Variants in EVC observed in about 807,000 individuals in gnomAD.
EVC encodes evC complex member EVC.
Under a neutral mutation model 118.9 loss-of-function variants are expected in EVC, and 116 were observed. The observed-to-expected ratio is 0.98, with a 90% CI of 0.84 to 1.14. The LOEUF is 1.14. Among genes scored for constraint, EVC ranks in the 50% most tolerant of loss-of-function variants. The pLI, the probability that EVC is intolerant of heterozygous loss-of-function variation, is 0.00. For missense variants in EVC, 1,401 were observed against 1,246.4 expected, an observed-to-expected ratio of 1.12 and a Z score of -1.87; for synonymous variants, 619 against 534.7, an observed-to-expected ratio of 1.16 and a Z score of -2.18.
chr4:5,731,268 G>A lies in EVC; in HGVS notation c.385-157G>A, dbSNP rs1726766271. On this transcript the variant is annotated intron_variant, in intron 3 of 20. Transcript: ENST00000264956. The surrounding 1 kb of genome is among the most constrained non-coding windows in gnomAD (Gnocchi z 5.6). Reference sequence around the variant, plus strand: ...GGGCTGTCGATGTGGCAGAACCTGGGACGGAAACTCTGTGGTGTCTGCTGG... The same window carrying A: ...GGGCTGTCGATGTGGCAGAACCTGGAACGGAAACTCTGTGGTGTCTGCTGG... Among the ~76,000 whole-genome samples, 1 of 151,982 alleles carries A rather than the reference G, an allele frequency of 6.6e-6. No individual in the cohort carries two copies. Among genetic ancestry groups the A allele is most frequent in the Non-Finnish European group, 1.5e-5 (1 of 68,000 alleles).
chr4:5,822,911 C>T, the EVC span, among the ~76,000 whole-genome samples: 1 of 152,184 alleles, frequency 6.6e-6, no homozygotes, highest in African/African-American at 2.4e-5. Context: ...GCACAAGCAC[C>T]ATCCTATAAA....
chr4:5,729,760 G>A (rs1200061888), intron 3 of EVC, among the ~76,000 whole-genome samples: 5 of 152,190 alleles, frequency 3.3e-5, no homozygotes, highest in Admixed American at 3.3e-4. Flanking sequence ...TATGTGGACA[G>A]GGCCAGTGTT....
intron 12 of EVC, among the ~76,000 whole-genome samples, chr4:5,791,487 C>G (rs1349921473): frequency 6.6e-6 from 1 of 152,024 alleles, no homozygotes; most frequent in African/African-American, 2.4e-5. Context: ...CAGCGCAGAA[C>G]CAAAATAATG....
chr4:5,821,943 C>CCTTAGCAGAAGTCGTAACCCCGCCCCA, the EVC span: 65 of 1,141,524 alleles, frequency 5.7e-5, no homozygotes, highest in Middle Eastern at 2.0e-4. The surrounding 1 kb of genome is among the most constrained non-coding windows in gnomAD (Gnocchi z 4.4). Flanking sequence ...ATGCACTCCA[C>CCTTAGCAGAAGTCGTAACCCCGCCCCA]TGGACCCACC....
chr4:5,772,924 G>T (rs1242578359), intron 11 of EVC, among the ~76,000 whole-genome samples: 1 of 152,068 alleles, frequency 6.6e-6, no homozygotes, highest in Non-Finnish European at 1.5e-5. Context: ...TTCTTTAGGG[G>T]AGCCCTCCTC....
At chr4:5,795,303 A>AT (rs1170846501) in intron 13 of EVC, among the ~76,000 whole-genome samples, 4 of 152,214 alleles carry the variant, frequency 2.6e-5, no homozygotes, top group Non-Finnish European at 5.9e-5. Context: ...AATTGTGCAT[A>AT]CCATCAAGAA....
At chr4:5,752,477 G>C (rs1033899955) in intron 8 of EVC, among the ~76,000 whole-genome samples, 10 of 152,142 alleles carry the variant, frequency 6.6e-5, no homozygotes, top group African/African-American at 2.2e-4. Context: ...GGGGGCCACA[G>C]GGCCAGATTG....
chr4:5,736,117 A>G (rs1223228319), intron 5 of EVC, among the ~76,000 whole-genome samples: 1 of 152,138 alleles, frequency 6.6e-6, no homozygotes, highest in Non-Finnish European at 1.5e-5. Context: ...CTGGAGTGTA[A>G]CCTCTATAAA....
rs150471602 is a variant in EVC at position 5,785,794 on chromosome 4, C to G, written c.1776+2030C>G. Among the ~76,000 whole-genome samples, 523 of 152,330 alleles carry G rather than the reference C, an allele frequency of 3.4e-3. 3 individuals are homozygous for G. The highest frequency in any genetic ancestry group is 0.012 in the African/African-American group (499 of 41,572). ...AATAATGCAGCTTTGGAAATGATTA[C>G]AGTGTTGCCTTTGCCCTGTATTCTT... On this transcript the variant is annotated intron_variant, in intron 12 of 20. Coordinates refer to ENST00000264956, the MANE Select transcript of EVC (RefSeq NM_153717.3).
chr4:5,763,665 T>A (rs1427874374), intron 11 of EVC, among the ~76,000 whole-genome samples: 1 of 113,966 alleles, frequency 8.8e-6, no homozygotes, highest in South Asian at 2.6e-4. Flanking sequence ...TTGAAGCAAT[T>A]GTGAATGGGA....
At chr4:5,823,439 G>A in the EVC span, among the ~76,000 whole-genome samples, 21 of 152,252 alleles carry the variant, frequency 1.4e-4, no homozygotes, top group Non-Finnish European at 2.8e-4. Flanking sequence ...GAAAATACCT[G>A]CTGGAAAAAA....
At chr4:5,776,533 C>T (rs930347480) in intron 11 of EVC, among the ~76,000 whole-genome samples, 2 of 152,180 alleles carry the variant, frequency 1.3e-5, no homozygotes, top group South Asian at 2.1e-4. Flanking sequence ...TCAGTTTCCT[C>T]ATCTGTAAAT....
Position 5,742,492 on chromosome 4 carries a change from C to G in EVC, c.801+678C>G, listed in dbSNP as rs1728750340. Reference sequence around the variant, plus strand: ...CCACCACTATTACTATCACAGTTCTCTTCTTCATCATGTCATTGTTGTCAT... The same window carrying G: ...CCACCACTATTACTATCACAGTTCTGTTCTTCATCATGTCATTGTTGTCAT... On this transcript the variant is annotated intron_variant, in intron 6 of 20. Coordinates refer to ENST00000264956, the MANE Select transcript of EVC (RefSeq NM_153717.3). This position sits in a 1 kb window ranked among gnomAD's most constrained non-coding sequence, Gnocchi z 5.2. Among the ~76,000 whole-genome samples, 1 of 152,042 alleles carries G rather than the reference C, an allele frequency of 6.6e-6. No individual in the cohort carries two copies. The highest frequency in any genetic ancestry group is 2.1e-4 in the South Asian group (1 of 4,818).
the EVC span, chr4:5,821,884 A>C: frequency 2.7e-6 from 4 of 1,505,816 alleles, no homozygotes; most frequent in Non-Finnish European, 3.6e-6. The surrounding 1 kb of genome is among the most constrained non-coding windows in gnomAD (Gnocchi z 4.4). Flanking sequence ...GCTGGATGGG[A>C]TCTGTTAGCA....
intron 2 of EVC, 75 bp from the exon 3 acceptor site, chr4:5,729,232 A>C: frequency 7.0e-7 from 1 of 1,430,212 alleles, no homozygotes; most frequent in East Asian, 2.3e-5. Context: ...GGGATGTGGC[A>C]TTTTGGAAAA....
intron 2 of EVC, among the ~76,000 whole-genome samples, chr4:5,727,984 T>C (rs1190233370): frequency 3.3e-4 from 50 of 150,934 alleles, no homozygotes; most frequent in African/African-American, 1.2e-3. Flanking sequence ...AGACTTGTAG[T>C]ATAGTTTGAA....
chr4:5,713,829 G>A (rs1366438923), intron 1 of EVC, among the ~76,000 whole-genome samples: 3 of 152,216 alleles, frequency 2.0e-5, no homozygotes, highest in Admixed American at 6.5e-5. Flanking sequence ...CTTGAACCCA[G>A]GAGGTGGAGG....
At chr4:5,734,591 A>C (rs1727370756) in intron 5 of EVC, among the ~76,000 whole-genome samples, 1 of 152,178 alleles carries the variant, frequency 6.6e-6, no homozygotes, top group African/African-American at 2.4e-5. Context: ...CAGGAGATGG[A>C]GGCTGCAGTG....
At chr4:5,824,114 C>T in the EVC span, among the ~76,000 whole-genome samples, 2 of 152,084 alleles carry the variant, frequency 1.3e-5, no homozygotes, top group African/African-American at 2.4e-5. Context: ...CTAAGAACAA[C>T]GGGGAGGAGG....
Sources: allele counts gnomAD v4.1 joint callset (sites outside exome capture counted in the v4.1 genomes callset), GRCh38; gene constraint gnomAD v4.1.1; non-coding constraint Gnocchi (gnomAD v3.1); transcripts MANE v1.5; gene names NCBI Gene and HGNC (gene_info 2026-07-23, HGNC 2026-07-21).